PRRC2C: variants seen among roughly 807,000 people sequenced by gnomAD.
The protein encoded by PRRC2C is proline rich coiled-coil 2C, also known as protein PRRC2C.
PRRC2C carries 72 observed loss-of-function variants against 317.2 expected under a neutral mutation model. That is an observed-to-expected ratio of 0.23 (90% CI 0.19 to 0.28). PRRC2C has a LOEUF of 0.28. Ranked by LOEUF, PRRC2C falls within the 10% of genes least tolerant of loss-of-function variation. The pLI, the probability that PRRC2C is intolerant of heterozygous loss-of-function variation, is 1.00. For synonymous variants in PRRC2C, 1,296 were observed against 1,205.9 expected (o/e 1.07, Z -1.55); for missense variants, 3,074 against 3,459.7 (o/e 0.89, Z 2.80).
At chr1:171,510,905 G>C (rs1347089504) in intron 1 of PRRC2C, 1 of 152,100 alleles carries the variant, frequency 6.6e-6, no homozygotes, top group African/African-American at 2.4e-5. Flanking sequence ...AGATAATAGA[G>C]GTGAGAATGC....
At position 171,579,808 on chromosome 1, in the gene PRRC2C, A is replaced by G; in HGVS notation, c.7273-20A>G. ...ATGATGTTGATATATATGTTTACAT[A>G]CTTTCTCAATGCATTGCAGCCAACT... is the stretch of plus-strand genomic sequence containing the variant. On this transcript the variant is annotated intron_variant, in intron 27 of 34. Transcript: ENST00000647382. The G allele has an allele frequency of 6.6e-7, 1 of 1,521,288 alleles. No individual in the cohort carries two copies. Among genetic ancestry groups the G allele is most frequent in the Non-Finnish European group, 8.8e-7 (1 of 1,137,446 alleles). The allele number at this position is 1,521,288 out of a possible 1,614,324, so 94.2% of individuals were successfully genotyped here.
intron 1 of PRRC2C, among the ~76,000 whole-genome samples, chr1:171,498,686 A>G (rs750604855): frequency 1.6e-4 from 25 of 152,320 alleles, no homozygotes; most frequent in Non-Finnish European, 3.1e-4. Flanking sequence ...GATTCAGTCC[A>G]TCTGCTTTTG....
chr1:171,516,149 T>A (rs573107147), intron 5 of PRRC2C, among the ~76,000 whole-genome samples: 145 of 152,360 alleles, frequency 9.5e-4, no homozygotes, highest in African/African-American at 3.4e-3. Context: ...TGGATTTTTT[T>A]ATACTAGTTT....
In PRRC2C at chr1:171,498,465, A is replaced by G. The variant is rs77767727; in HGVS notation, c.-58+12730A>G. On this transcript the variant is annotated intron_variant, in intron 1 of 34. Coordinates refer to ENST00000647382, the MANE Select transcript of PRRC2C (RefSeq NM_001387844.1). ...GTGAGGGCAGAGCCCACATGGCCCA[A>G]TCACCTCCTAAAGACCCCACCTCTT... 7.9e-5 allele frequency among the ~76,000 whole-genome samples: 12 copies of G among 152,294 alleles called. No individual in the cohort carries two copies. In the East Asian group the frequency reaches 1.9e-3, roughly 24 times the overall value.
At chr1:171,575,542 G>A (rs1461995682) in intron 25 of PRRC2C, among the ~76,000 whole-genome samples, 1 of 152,220 alleles carries the variant, frequency 6.6e-6, no homozygotes, top group Non-Finnish European at 1.5e-5. Flanking sequence ...TTTGAGTGAT[G>A]TAATTCATTG....
chr1:171,540,184 A>G lies in PRRC2C; in HGVS notation c.2718A>G (p.Leu906=). 2 of 1,613,900 alleles carry G rather than the reference A, an allele frequency of 1.2e-6. No homozygotes were observed. The highest frequency in any genetic ancestry group is 2.2e-5 in the East Asian group (1 of 44,874). ...TTGAAGCACCTGATCAAAAGACCTT[A>G]TCCGCTCCTCAAGAGGAGCGGATTT... is the stretch of plus-strand genomic sequence containing the variant. ...ACFEAPDQKT[L]SAPQEERISA... Residue 906 remains leucine (L), a synonymous_variant, in exon 16 of 35, where the codon TTA becomes TTG. Coordinates refer to ENST00000647382, the MANE Select transcript of PRRC2C (RefSeq NM_001387844.1).
intron 12 of PRRC2C, among the ~76,000 whole-genome samples, chr1:171,534,051 T>C (rs1676360247): frequency 6.6e-6 from 1 of 152,272 alleles, no homozygotes; most frequent in African/African-American, 2.4e-5. Context: ...AAGGCACTGC[T>C]GCTTAAAATA....
At chr1:171,591,118 G>GT in intron 34 of PRRC2C, 3 of 966,626 alleles carry the variant, frequency 3.1e-6, no homozygotes, top group Non-Finnish European at 3.7e-6. Flanking sequence ...AAGTGAAGTC[G>GT]TAGTTACTAA....
At position 171,579,900 on chromosome 1, in the gene PRRC2C, T is replaced by C. The variant is rs755946233; in HGVS notation, c.7345T>C (p.Leu2449=). 84 of 1,600,554 alleles carry C rather than the reference T, an allele frequency of 5.2e-5. No individual in the cohort carries two copies. The highest frequency in any genetic ancestry group is 7.0e-5 in the Non-Finnish European group (82 of 1,175,022). Residue 2449 remains leucine, a synonymous_variant, in exon 28 of 35, where the codon TTG becomes CTG. Coordinates refer to ENST00000647382, the MANE Select transcript of PRRC2C (RefSeq NM_001387844.1). ...LQGQHQAQLS[L]GAGPAVSQAQ... is the part of the protein sequence containing the mutation. ...AGGGCAGCATCAAGCCCAACTGAGT[T>C]TGGGGGCTGGCCCTGCTGTTTCCCA...
intron 4 of PRRC2C, 85 bp downstream of exon 4, chr1:171,514,730 G>C: frequency 8.6e-7 from 1 of 1,169,286 alleles, no homozygotes; most frequent in South Asian, 1.4e-5. Context: ...ACTGTGTTTT[G>C]GTAGAGCCAT....
rs192591012 is a variant in PRRC2C, at chr1:171,592,691, G to A, written c.*844G>A. The stretch of plus-strand genomic sequence containing the variant: ...TCAGTCATCTTTGTATGAATCCCAT[G>A]ATTTGGGGGTTTTTTTCTTTTTTTT... On this transcript the variant is annotated 3_prime_UTR_variant, in exon 35 of 35. Transcript: ENST00000647382. 3.9e-5 allele frequency: 6 copies of A among 152,114 alleles called. No individual in the cohort carries two copies. The East Asian group carries it at 1.2e-3, about 29-fold the overall frequency. 9.4% of individuals were successfully genotyped at this position (152,114 alleles called of 1,614,324 possible). A position where few individuals can be genotyped will look rare whatever the true frequency, so the allele number is the denominator to read the frequency against.
chr1:171,527,947 C>G, intron 11 of PRRC2C, 103 bp downstream of exon 11: 1 of 919,504 alleles, frequency 1.1e-6, no homozygotes, highest in Non-Finnish European at 1.7e-6. Context: ...GAAACAGTTA[C>G]TAACTTTTTA....
chr1:171,577,312 G>A, intron 25 of PRRC2C, 122 bp from the exon 26 acceptor site: 1 of 730,658 alleles, frequency 1.4e-6, no homozygotes, highest in Non-Finnish European at 2.2e-6. Context: ...TTGGCCTGAA[G>A]CAGTATATAA....
rs188354420 is a variant in PRRC2C at position 171,569,550 on chromosome 1, C to A, written c.6651+1211C>A. On this transcript the variant is annotated intron_variant, in intron 23 of 34. Coordinates refer to ENST00000647382, the MANE Select transcript of PRRC2C (RefSeq NM_001387844.1). ...TTTGTTCAACTTTCCTCCCACCCAC[C>A]CCCCACTTTTATGAAAGTGGTTTAA... Among the ~76,000 whole-genome samples, 739 of 88,840 alleles carry A rather than the reference C, an allele frequency of 8.3e-3. 11 individuals are homozygous for A. The highest frequency in any genetic ancestry group is 0.012 in the Non-Finnish European group (515 of 41,896). 58.3% of individuals were successfully genotyped at this position (88,840 alleles called of 152,430 possible). A position where few individuals can be genotyped will look rare whatever the true frequency, so the allele number is the denominator to read the frequency against.
chr1:171,518,661 CTTTTTT>C (rs386368727), intron 6 of PRRC2C, among the ~76,000 whole-genome samples: 1 of 58,142 alleles, frequency 1.7e-5, no homozygotes, highest in Non-Finnish European at 2.9e-5. Context: ...CCACACCTGG[CTTTTTT>C]TTTTTTTTTT....
intron 10 of PRRC2C, among the ~76,000 whole-genome samples, chr1:171,527,483 G>A (rs963073181): frequency 1.3e-5 from 2 of 151,808 alleles, no homozygotes; most frequent in Non-Finnish European, 1.5e-5. Flanking sequence ...TCAAGCTGGT[G>A]TGGTGGCTCA....
intron 1 of PRRC2C, among the ~76,000 whole-genome samples, chr1:171,504,545 T>C (rs1279621268): frequency 6.6e-6 from 1 of 152,232 alleles, no homozygotes; most frequent in East Asian, 1.9e-4. Context: ...CTTTATCCAC[T>C]GAATTTCTTT....
intron 25 of PRRC2C, among the ~76,000 whole-genome samples, chr1:171,576,394 T>G (rs546048838): frequency 1.1e-3 from 161 of 152,316 alleles, no homozygotes; most frequent in African/African-American, 3.7e-3. Context: ...TGGTAGATGA[T>G]TCACTAGAAG....
chr1:171,589,543 T>C lies in PRRC2C; in HGVS notation c.8374T>C (p.Ser2792Pro). ...LPHVARGPCG[S>P]LSGVRGNQAQ... ...ACATGTAGCCAGGGGTCCTTGTGGATCACTATCTGGAGTCAGAGGTAATCA... is the reference window on the plus strand; with the variant it reads ...ACATGTAGCCAGGGGTCCTTGTGGACCACTATCTGGAGTCAGAGGTAATCA... The change falls in exon 34 of 35, where the codon TCA becomes CCA. Residue 2792 changes from serine (S) to proline (P), a missense_variant. Around this residue, in one of 11 missense-constraint regions of PRRC2C, gnomAD observed 490 missense variants for 663.1 expected, o/e 0.74. Transcript: ENST00000647382. 1 of 1,289,746 alleles carries C rather than the reference T, an allele frequency of 7.8e-7. No individual in the cohort carries two copies. The highest frequency in any genetic ancestry group is 1.0e-6 in the Non-Finnish European group (1 of 988,858). 79.9% of individuals were successfully genotyped at this position (1,289,746 alleles called of 1,614,324 possible). A position where few individuals can be genotyped will look rare whatever the true frequency, so the allele number is the denominator to read the frequency against.
Sources: gnomAD v4.1 joint callset for allele counts (sites outside exome capture counted in the v4.1 genomes callset) on GRCh38, gnomAD v4.1.1 for gene constraint, gnomAD v4.1.1 regional missense constraint, MANE v1.5 for transcripts, NCBI Gene and HGNC (gene_info 2026-07-23, HGNC 2026-07-21) for gene names.